Variants in PCLO observed in about 807,000 individuals in gnomAD.
PCLO encodes the protein protein piccolo.
A neutral mutation model predicts 427.5 loss-of-function variants in PCLO; 82 were observed. The observed-to-expected ratio is 0.19, with a 90% confidence interval of 0.16 to 0.23. PCLO has a LOEUF of 0.23. Ranked by LOEUF, PCLO falls within the 10% of genes least tolerant of loss-of-function variation. PCLO has a pLI of 1.00. For synonymous variants in PCLO, 2,357 were observed against 2,155.4 expected, an observed-to-expected ratio of 1.09 and a Z score of -2.59; for missense variants, 6,239 against 6,115.9, an observed-to-expected ratio of 1.02 and a Z score of -0.67.
chr7:83,115,098 C>T (rs539473551), intron 3 of PCLO, among the ~76,000 whole-genome samples: 17 of 151,906 alleles, frequency 1.1e-4, no homozygotes, highest in South Asian at 2.1e-4. Context: ...GGATGTCAGA[C>T]GTCCACAGAG....
chr7:83,106,714 A>C (rs1169243452), intron 3 of PCLO, among the ~76,000 whole-genome samples: 1 of 152,120 alleles, frequency 6.6e-6, no homozygotes, highest in East Asian at 1.9e-4. Flanking sequence ...ATTTCCTATG[A>C]TTATTCAGTT....
intron 22 of PCLO, among the ~76,000 whole-genome samples, chr7:82,794,557 T>A (rs1791186102): frequency 7.0e-6 from 1 of 143,794 alleles, no homozygotes; most frequent in South Asian, 2.4e-4. Flanking sequence ...CTGCACCCTC[T>A]GCCTCCTGGG....
intron 2 of PCLO, among the ~76,000 whole-genome samples, chr7:83,136,953 A>C (rs1457262890): frequency 5.9e-5 from 9 of 152,130 alleles, no homozygotes; most frequent in Non-Finnish European, 1.2e-4. Context: ...GATTATTTTA[A>C]ATATTACCAA....
intron 7 of PCLO, among the ~76,000 whole-genome samples, chr7:82,909,662 T>A (rs1472701444): frequency 1.3e-5 from 2 of 152,194 alleles, no homozygotes; most frequent in African/African-American, 4.8e-5. Flanking sequence ...ACGACATTTC[T>A]ATGACATTCA....
chr7:82,896,611 T>A (rs2116157649), intron 9 of PCLO, among the ~76,000 whole-genome samples: 1 of 151,758 alleles, frequency 6.6e-6, no homozygotes, highest in East Asian at 1.9e-4. Flanking sequence ...GTCATTGATT[T>A]GTACACTAAC....
chr7:82,828,007 CT>C, intron 16 of PCLO, 41 bp from the exon 17 acceptor site: 1 of 1,144,340 alleles, frequency 8.7e-7, no homozygotes. Flanking sequence ...GATTATTCAC[CT>C]TAGTTTATGA....
At chr7:83,038,595 T>C (rs1788891582) in intron 3 of PCLO, among the ~76,000 whole-genome samples, 1 of 152,048 alleles carries the variant, frequency 6.6e-6, no homozygotes, top group African/African-American at 2.4e-5. Flanking sequence ...TTTCATTGTA[T>C]GAACAGATCA....
intron 3 of PCLO, among the ~76,000 whole-genome samples, chr7:83,032,336 G>T (rs970113446): frequency 1.3e-5 from 2 of 151,578 alleles, no homozygotes; most frequent in Admixed American, 6.6e-5. Context: ...ACAGCACAAG[G>T]CTCCCTCTTC....
At chr7:82,886,476 C>T (rs1487742791) in intron 9 of PCLO, among the ~76,000 whole-genome samples, 1 of 151,904 alleles carries the variant, frequency 6.6e-6, no homozygotes, top group Non-Finnish European at 1.5e-5. Context: ...AATTATTATA[C>T]TAACCACTAT....
intron 20 of PCLO, among the ~76,000 whole-genome samples, chr7:82,807,711 G>A (rs1791483444): frequency 6.6e-6 from 1 of 151,980 alleles, no homozygotes; most frequent in South Asian, 2.1e-4. Flanking sequence ...TAGGGAACAA[G>A]AAAGAAATTG....
chr7:83,051,699 C>T (rs1176708345), intron 3 of PCLO, among the ~76,000 whole-genome samples: 1 of 152,056 alleles, frequency 6.6e-6, no homozygotes, highest in East Asian at 1.9e-4. Flanking sequence ...TATCACCAAA[C>T]TAATTCTAAA....
rs1791442002 is a variant in PCLO at position 82,805,674 on chromosome 7, A to T, written c.14933+14T>A. ...CTGAGTAAGCTTTGTAGTAACAAAA[A>T]GAGACCCACTTACATCCTCGGAATA... is the stretch of plus-strand genomic sequence containing the variant. On this transcript the variant is annotated intron_variant, in intron 21 of 24. Coordinates refer to ENST00000333891, the MANE Select transcript of PCLO (RefSeq NM_033026.6). 6.2e-7 allele frequency: 1 copy of T among 1,611,232 alleles called. No homozygotes were observed. Among genetic ancestry groups the T allele is most frequent in the African/African-American group, 1.3e-5 (1 of 74,858 alleles).
intron 3 of PCLO, among the ~76,000 whole-genome samples, chr7:83,098,654 T>G (rs1452659921): frequency 1.4e-5 from 2 of 147,666 alleles, no homozygotes; most frequent in African/African-American, 5.0e-5. Context: ...CATTAAAAAA[T>G]TGCACATCTA....
At chr7:82,911,179 T>C (rs1401222317) in intron 7 of PCLO, among the ~76,000 whole-genome samples, 3 of 152,116 alleles carry the variant, frequency 2.0e-5, no homozygotes, top group Non-Finnish European at 4.4e-5. Flanking sequence ...GATTTTGTTA[T>C]TTTTTATAAT....
intron 3 of PCLO, among the ~76,000 whole-genome samples, chr7:83,011,435 A>G (rs1463151839): frequency 6.6e-6 from 1 of 152,110 alleles, no homozygotes; most frequent in African/African-American, 2.4e-5. Flanking sequence ...TAAATGCCAT[A>G]GTGAGGACCA....
chr7:83,119,190 T>C (rs765675860), intron 3 of PCLO, among the ~76,000 whole-genome samples: 2 of 152,094 alleles, frequency 1.3e-5, no homozygotes, highest in South Asian at 2.1e-4. Flanking sequence ...CAGGCAATAG[T>C]AGCCATAGCC....
chr7:83,032,142 C>T (rs1207055929), intron 3 of PCLO, among the ~76,000 whole-genome samples: 1 of 152,144 alleles, frequency 6.6e-6, no homozygotes, highest in Non-Finnish European at 1.5e-5. Flanking sequence ...CCTGGTATCC[C>T]TTTGCCTATC....
chr7:83,010,477 A>G (rs1210385227), intron 3 of PCLO, among the ~76,000 whole-genome samples: 9 of 151,674 alleles, frequency 5.9e-5, no homozygotes, highest in African/African-American at 1.2e-4. Context: ...CTTAAGACCA[A>G]TATTATTTTG....
intron 6 of PCLO, among the ~76,000 whole-genome samples, chr7:82,941,720 T>C (rs996709422): frequency 2.0e-5 from 3 of 152,210 alleles, no homozygotes; most frequent in African/African-American, 7.2e-5. Flanking sequence ...CAAACAAGTA[T>C]TAGAATTGTG....
Sources: gnomAD v4.1 joint callset for allele counts (sites outside exome capture counted in the v4.1 genomes callset) on GRCh38, gnomAD v4.1.1 for gene constraint, MANE v1.5 for transcripts, NCBI Gene and HGNC (gene_info 2026-07-23, HGNC 2026-07-21) for gene names.